Variants in WWC2 observed in about 807,000 individuals in gnomAD.
WWC2 encodes the protein protein WWC2.
Under a neutral mutation model 138.5 loss-of-function variants are expected in WWC2, and 101 were observed. The ratio of observed to expected loss-of-function variants is 0.73; its 90% CI spans 0.62 to 0.86. The LOEUF is 0.86. WWC2 is among the 40% of genes least tolerant of loss of function. The probability of loss-of-function intolerance (pLI) is 0.00; values close to 1 mark genes in which losing one functional copy is unlikely to be tolerated. For missense variants in WWC2, 1,420 were observed against 1,419.4 expected, an observed-to-expected ratio of 1.00 and a Z score of -0.01; for synonymous variants, 558 against 538.4, an observed-to-expected ratio of 1.04 and a Z score of -0.50.
chr4:183,112,705 T>A (rs185993088), intron 1 of WWC2, among the ~76,000 whole-genome samples: 7 of 152,286 alleles, frequency 4.6e-5, no homozygotes, highest in Middle Eastern at 6.8e-3. Context: ...CTAAAGATAG[T>A]AGTGAATTTG....
intron 1 of WWC2, among the ~76,000 whole-genome samples, chr4:183,125,587 A>G (rs1732733750): frequency 1.3e-5 from 2 of 152,356 alleles, no homozygotes; most frequent in South Asian, 4.1e-4. Flanking sequence ...CTAAAGTTTT[A>G]TAATATTGTC....
chr4:183,116,079 C>A (rs191712160), intron 1 of WWC2, among the ~76,000 whole-genome samples: 2 of 152,146 alleles, frequency 1.3e-5, no homozygotes, highest in Non-Finnish European at 1.5e-5. Flanking sequence ...ATCCCAGCAC[C>A]TTTTATTGAA....
chr4:183,315,020 A>C (rs955104914), intron 22 of WWC2, among the ~76,000 whole-genome samples: 3 of 152,236 alleles, frequency 2.0e-5, no homozygotes, highest in African/African-American at 7.2e-5. Flanking sequence ...CCCTCAAGAA[A>C]TACGTGCTGA....
In WWC2 at chr4:183,269,080, G is replaced by T. The variant is rs11941467; in HGVS notation, c.2317G>T (p.Ala773Ser). ...SILFNDVFRV[A>S]ISQTALQQKT... ...TTTATTCAATGATGTGTTCAGAGTC[G>T]CCATTTCCCAAACAGCCTTACAACA... is the stretch of plus-strand genomic sequence containing the variant. Residue 773 changes from alanine to serine, a missense_variant, in exon 15 of 23, where the codon GCC becomes TCC. Coordinates refer to ENST00000403733, the MANE Select transcript of WWC2 (RefSeq NM_024949.6). The T allele has an allele frequency of 0.1, 166,019 of 1,613,472 alleles. 9,358 individuals carry two copies. Among genetic ancestry groups the T allele is most frequent in the South Asian group, 0.18 (16,319 of 91,012 alleles).
chr4:183,312,208 A>G, intron 21 of WWC2, 133 bp from the exon 22 acceptor site: 7 of 1,207,878 alleles, frequency 5.8e-6, no homozygotes, highest in Non-Finnish European at 6.9e-6. Context: ...GGTGATAAAA[A>G]GGACACCAGC....
In WWC2 at chr4:183,248,869, T is replaced by C; in HGVS notation, c.879+9T>C. On this transcript the variant is annotated intron_variant, in intron 7 of 22. Coordinates refer to ENST00000403733, the MANE Select transcript of WWC2 (RefSeq NM_024949.6). The stretch of plus-strand genomic sequence containing the variant: ...CAAGCATTTCCGGAGATGTAAGTTA[T>C]CTGTGCTGAAGAGTTGGCCCAGTGT... 1 of 1,588,170 alleles carries C rather than the reference T, an allele frequency of 6.3e-7. No individual in the cohort carries two copies. Among genetic ancestry groups the C allele is most frequent in the African/African-American group, 1.3e-5 (1 of 74,836 alleles).
At chr4:183,117,608 A>G (rs530358726) in intron 1 of WWC2, among the ~76,000 whole-genome samples, 3 of 151,048 alleles carry the variant, frequency 2.0e-5, no homozygotes, top group Non-Finnish European at 4.4e-5. Context: ...TACCACAAAC[A>G]TGTAAATTAC....
At chr4:183,253,704 C>G in intron 8 of WWC2, 53 bp from the exon 9 acceptor site, 1 of 1,576,536 alleles carries the variant, frequency 6.3e-7, no homozygotes, top group Non-Finnish European at 8.6e-7. Flanking sequence ...CTGTGTTTAC[C>G]TTTCTCAGGA....
At chr4:183,269,294 G>A (rs954806264) in intron 15 of WWC2, 131 bp downstream of exon 15, 6 of 887,564 alleles carry the variant, frequency 6.8e-6, no homozygotes, top group South Asian at 4.8e-5. Flanking sequence ...GATACATCTA[G>A]TGTTTGTTCA....
chr4:183,116,421 G>A (rs1413549618), intron 1 of WWC2, among the ~76,000 whole-genome samples: 1 of 152,150 alleles, frequency 6.6e-6, no homozygotes, highest in African/African-American at 2.4e-5. Flanking sequence ...ACTTTGATAG[G>A]TACCATTATT....
At chr4:183,296,306 T>C (rs946330637) in intron 21 of WWC2, among the ~76,000 whole-genome samples, 1 of 152,196 alleles carries the variant, frequency 6.6e-6, no homozygotes, top group Non-Finnish European at 1.5e-5. Context: ...AGTACTCTCT[T>C]AGATGGTGTA....
chr4:183,209,011 A>T lies in WWC2; in HGVS notation c.508A>T (p.Thr170Ser). The T allele has an allele frequency of 6.4e-7, 1 of 1,570,426 alleles. No individual in the cohort carries two copies. The highest frequency in any genetic ancestry group is 8.7e-7 in the Non-Finnish European group (1 of 1,154,866). ...CGATATTTTAAAAGCTGAGATCTCCACTACAAGATTAAGGGTAAGAAGTTT... is the reference window on the plus strand; with the variant it reads ...CGATATTTTAAAAGCTGAGATCTCCTCTACAAGATTAAGGGTAAGAAGTTT... ...DPDILKAEIS[T>S]TRLRVKKLKR... is the part of the protein sequence containing the mutation. Residue 170 changes from threonine (T) to serine (S), a missense_variant, in exon 4 of 23, where the codon ACT becomes TCT. Coordinates refer to ENST00000403733, the MANE Select transcript of WWC2 (RefSeq NM_024949.6).
intron 1 of WWC2, among the ~76,000 whole-genome samples, chr4:183,135,956 C>T (rs1051730451): frequency 6.6e-6 from 1 of 151,608 alleles, no homozygotes; most frequent in African/African-American, 2.4e-5. Flanking sequence ...GTTTTCTATT[C>T]TCTTTTCTTT....
chr4:183,127,438 G>T (rs1308131969), intron 1 of WWC2, among the ~76,000 whole-genome samples: 2 of 152,096 alleles, frequency 1.3e-5, no homozygotes, highest in African/African-American at 2.4e-5. Flanking sequence ...AAAACAAAAA[G>T]TCAAATATAT....
At chr4:183,273,989 G>T (rs188052693) in intron 16 of WWC2, among the ~76,000 whole-genome samples, 24 of 152,230 alleles carry the variant, frequency 1.6e-4, no homozygotes, top group Admixed American at 1.4e-3. Flanking sequence ...TGCAAAAACT[G>T]TTCTTTCACC....
chr4:183,162,225 C>T lies in WWC2; in HGVS notation c.132-31374C>T, dbSNP rs566428606. The stretch of plus-strand genomic sequence containing the variant: ...TTACAAAGAAACAAACCCTAATTCT[C>T]AGTGTTTCTAATGTTTCAAATTGCA... On this transcript the variant is annotated intron_variant, in intron 1 of 22. Transcript: ENST00000403733. Among the ~76,000 whole-genome samples the T allele has an allele frequency of 8.5e-5, 13 of 152,146 alleles. No individual in the cohort carries two copies. In the South Asian group the frequency reaches 2.3e-3, roughly 27 times the overall value.
At chr4:183,258,498 A>G (rs1473685932) in intron 9 of WWC2, among the ~76,000 whole-genome samples, 2 of 152,236 alleles carry the variant, frequency 1.3e-5, no homozygotes, top group Non-Finnish European at 2.9e-5. Flanking sequence ...CATTTCAAAG[A>G]GATTAGAAAT....
Position 183,315,749 on chromosome 4 carries a change from A to AT in WWC2, c.*26dup. On this transcript the variant is annotated 3_prime_UTR_variant, in exon 23 of 23. Coordinates refer to ENST00000403733, the MANE Select transcript of WWC2 (RefSeq NM_024949.6). ...GTGTGATTACATGACTTAAGAAATT[A>AT]TTTTTTCATCTGTTCACTTTCTTAG... 1.9e-6 allele frequency: 3 copies of AT among 1,594,914 alleles called. No individual in the cohort carries two copies. The highest frequency in any genetic ancestry group is 2.6e-6 in the Non-Finnish European group (3 of 1,165,706).
chr4:183,291,861 T>A (rs578254391), intron 21 of WWC2, among the ~76,000 whole-genome samples: 1 of 151,966 alleles, frequency 6.6e-6, no homozygotes, highest in Admixed American at 6.6e-5. Context: ...CTGGCAAAAT[T>A]AATGAAGAGA....
Sources: allele counts gnomAD v4.1 joint callset (sites outside exome capture counted in the v4.1 genomes callset), GRCh38; gene constraint gnomAD v4.1.1; transcripts MANE v1.5; gene names NCBI Gene and HGNC (gene_info 2026-07-23, HGNC 2026-07-21).